EIF5B: variants seen among roughly 807,000 people sequenced by gnomAD.
The protein encoded by EIF5B is eIF-5B.
In EIF5B, 47 loss-of-function variants were observed where a neutral mutation model predicts 147.5. The ratio of observed to expected loss-of-function variants is 0.32; its 90% CI spans 0.25 to 0.41. EIF5B has a LOEUF of 0.41. Ranked by LOEUF, EIF5B falls within the 10% of genes least tolerant of loss-of-function variation. The pLI is 1.00. For missense variants in EIF5B, 1,064 were observed against 1,413.2 expected (o/e 0.75, Z 3.96); for synonymous variants, 455 against 456.2 (o/e 1.00, Z 0.03).
At chr2:99,389,594 G>A (rs1674880604) in intron 14 of EIF5B, 124 bp from the exon 15 acceptor site, 1 of 737,184 alleles carries the variant, frequency 1.4e-6, no homozygotes. Flanking sequence ...ACAATAAAGT[G>A]TATGAGTAAG....
intron 1 of EIF5B, among the ~76,000 whole-genome samples, chr2:99,344,561 G>A (rs141896108): frequency 0.011 from 1,678 of 151,868 alleles, 9 homozygotes; most frequent in Middle Eastern, 0.024. Flanking sequence ...CTCAGCCTCC[G>A]GAGTAGCTGG....
intron 1 of EIF5B, among the ~76,000 whole-genome samples, chr2:99,354,012 A>G (rs1433090849): frequency 6.6e-6 from 1 of 152,252 alleles, no homozygotes; most frequent in African/African-American, 2.4e-5. Flanking sequence ...AGATTTCTCC[A>G]TGAACATAAA....
rs763603076 is a variant in EIF5B, at chr2:99,376,650, C to A, written c.1842+14C>A. The A allele has an allele frequency of 6.3e-7, 1 of 1,580,648 alleles. No homozygotes were observed. The highest frequency in any genetic ancestry group is 1.9e-5 in the Admixed American group (1 of 53,886). On this transcript the variant is annotated intron_variant, in intron 10 of 23. Coordinates refer to ENST00000289371, the MANE Select transcript of EIF5B (RefSeq NM_015904.4). The stretch of plus-strand genomic sequence containing the variant: ...CGGAGGATTGAGGTATTTATTTTAC[C>A]GTTTCTCTCTACTTTTCTTCCCACT...
At position 99,373,536 on chromosome 2, in the gene EIF5B, CCTCCTACCTCCTACCAG is replaced by C. The variant is rs1674498534; in HGVS notation, c.1552+1808_1552+1824del. On this transcript the variant is annotated intron_variant, in intron 9 of 23. Coordinates refer to ENST00000289371, the MANE Select transcript of EIF5B (RefSeq NM_015904.4). ...CACTCCCCAAAACCTTCCCCACCAC[CCTCCTACCTCCTACCAG>C]CAAAATGGGGATTATGTTTTAAACA... is the stretch of plus-strand genomic sequence containing the variant. 2.0e-5 allele frequency among the ~76,000 whole-genome samples: 3 copies of C among 152,228 alleles called. No individual in the cohort carries two copies. The East Asian group carries it at 5.8e-4, about 29-fold the overall frequency.
chr2:99,389,573 G>A (rs1283646440), intron 14 of EIF5B, 145 bp from the exon 15 acceptor site: 1 of 610,778 alleles, frequency 1.6e-6, no homozygotes, highest in Non-Finnish European at 2.5e-6. Context: ...AGTCTGAAAG[G>A]AGCTTTTGGT....
chr2:99,348,686 G>A (rs1490156675), intron 1 of EIF5B, among the ~76,000 whole-genome samples: 1 of 152,178 alleles, frequency 6.6e-6, no homozygotes, highest in East Asian at 1.9e-4. Context: ...AGAAGCCAAA[G>A]TAAGTGAAAA....
chr2:99,374,259 A>T (rs1396513265), intron 9 of EIF5B, among the ~76,000 whole-genome samples: 2 of 145,728 alleles, frequency 1.4e-5, no homozygotes. Flanking sequence ...ACTGCATTCC[A>T]GCCTGGGCGA....
intron 21 of EIF5B, among the ~76,000 whole-genome samples, chr2:99,396,429 T>C (rs1675049037): frequency 6.6e-6 from 1 of 152,198 alleles, no homozygotes. Context: ...AGCCCCAGAC[T>C]GTGGCTGACA....
chr2:99,375,909 GT>G (rs1389412433), intron 9 of EIF5B, among the ~76,000 whole-genome samples: 1 of 152,076 alleles, frequency 6.6e-6, no homozygotes, highest in Non-Finnish European at 1.5e-5. Context: ...CGTATTTCAG[GT>G]TTTTCCGATT....
At chr2:99,340,749 T>C (rs1030723970) in intron 1 of EIF5B, 5 of 152,216 alleles carry the variant, frequency 3.3e-5, no homozygotes, top group Non-Finnish European at 5.9e-5. Flanking sequence ...AGTTCTAGAA[T>C]TCTGTTCCAG....
intron 21 of EIF5B, among the ~76,000 whole-genome samples, chr2:99,396,128 G>C (rs927802380): frequency 6.6e-6 from 1 of 152,178 alleles, no homozygotes; most frequent in Non-Finnish European, 1.5e-5. Context: ...ACATTTTTAA[G>C]TGGAGCTTAC....
At chr2:99,349,284 TAGAC>T (rs1368030632) in intron 1 of EIF5B, among the ~76,000 whole-genome samples, 43 of 152,342 alleles carry the variant, frequency 2.8e-4, no homozygotes, top group Admixed American at 5.9e-4. Flanking sequence ...AAAGGAGTCT[TAGAC>T]ATCTTGGAGA....
Position 99,392,871 on chromosome 2 carries a change from CCTCT to C in EIF5B, c.2749-91_2749-88del, listed in dbSNP as rs1249726150. ...TGCTTTTTGTGCCTCGTTTAAGAAA[CCTCT>C]CTCTAATATCATGATGAGATTCTCT... On this transcript the variant is annotated intron_variant, in intron 17 of 23. Coordinates refer to ENST00000289371, the MANE Select transcript of EIF5B (RefSeq NM_015904.4). The C allele has an allele frequency of 1.2e-5, 14 of 1,153,768 alleles. No individual in the cohort carries two copies. In the East Asian group the frequency reaches 1.7e-4, roughly 14 times the overall value. The allele number at this position is 1,153,768 out of a possible 1,614,324, so 71.5% of individuals were successfully genotyped here.
chr2:99,359,139 G>T (rs934985815), intron 1 of EIF5B, among the ~76,000 whole-genome samples: 1 of 151,636 alleles, frequency 6.6e-6, no homozygotes, highest in African/African-American at 2.4e-5. Context: ...GAGGGTGGCT[G>T]ATCACAAGGT....
At chr2:99,389,405 C>T (rs1241653088) in intron 14 of EIF5B, among the ~76,000 whole-genome samples, 1 of 152,078 alleles carries the variant, frequency 6.6e-6, no homozygotes, top group East Asian at 1.9e-4. Flanking sequence ...GTTACAAAAA[C>T]TGTTTCGGAA....
rs1464493031 is a variant in EIF5B, at chr2:99,368,575, G to A, written c.1371G>A (p.Gln457=). ...AAAAGAGGAAAAAAATACCACAGCA[G>A]CTAGAAAGTAAAGAAGGTTTGTATA... The part of the protein sequence containing the change: ...EDKKRKKIPQ[Q]LESKEVSESM... Residue 457 remains glutamine, a synonymous_variant, in exon 7 of 24, where the codon CAG becomes CAA. Coordinates refer to ENST00000289371, the MANE Select transcript of EIF5B (RefSeq NM_015904.4). 1 of 1,612,900 alleles carries A rather than the reference G, an allele frequency of 6.2e-7. No homozygotes were observed. The highest frequency in any genetic ancestry group is 1.1e-5 in the South Asian group (1 of 91,028).
chr2:99,364,559 A>G (rs1448850269), intron 6 of EIF5B, 138 bp downstream of exon 6: 2 of 753,830 alleles, frequency 2.7e-6, no homozygotes, highest in Non-Finnish European at 2.1e-6. Flanking sequence ...AGTAAAACGT[A>G]AGGAATAGGT....
intron 17 of EIF5B, among the ~76,000 whole-genome samples, chr2:99,391,289 G>A (rs1416942668): frequency 6.6e-6 from 1 of 152,178 alleles, no homozygotes; most frequent in Admixed American, 6.5e-5. Context: ...AGGGAAGAAG[G>A]AGAGGGGTAG....
intron 3 of EIF5B, 33 bp downstream of exon 3, chr2:99,360,582 T>G (rs751935737): frequency 9.0e-5 from 143 of 1,595,902 alleles, no homozygotes; most frequent in Non-Finnish European, 1.2e-4. Flanking sequence ...CTATTCGTAT[T>G]TCGTATTCTA....
Sources: gnomAD v4.1 joint callset for allele counts (sites outside exome capture counted in the v4.1 genomes callset) on GRCh38, gnomAD v4.1.1 for gene constraint, MANE v1.5 for transcripts, NCBI Gene and HGNC (gene_info 2026-07-23, HGNC 2026-07-21) for gene names.